ETV6: variants seen among roughly 807,000 people sequenced by gnomAD.
ETV6 encodes transcription factor ETV6.
In ETV6, 16 loss-of-function variants were observed where a neutral mutation model predicts 51.1. The observed-to-expected ratio is 0.31, with a 90% CI of 0.21 to 0.48. ETV6 has a LOEUF of 0.48. ETV6 is among the 20% of genes least tolerant of loss of function. The pLI is 0.99. For synonymous variants in ETV6, 240 were observed against 224.1 expected (o/e 1.07, Z -0.64); for missense variants, 458 against 594.8 (o/e 0.77, Z 2.39).
At chr12:11,850,555 G>C (rs1302369892) in intron 3 of ETV6, among the ~76,000 whole-genome samples, 2 of 125,770 alleles carry the variant, frequency 1.6e-5, no homozygotes, top group African/African-American at 5.1e-5. Flanking sequence ...TTGTGGTGGT[G>C]GTGGTAGTGG....
At chr12:11,764,035 T>G (rs1165399110) in intron 2 of ETV6, among the ~76,000 whole-genome samples, 2 of 152,200 alleles carry the variant, frequency 1.3e-5, no homozygotes, top group Non-Finnish European at 2.9e-5. Context: ...TGCCTGAAAT[T>G]CCATTGTTGA....
intron 1 of ETV6, among the ~76,000 whole-genome samples, chr12:11,708,163 T>G (rs1865107654): frequency 6.6e-6 from 1 of 152,060 alleles, no homozygotes; most frequent in Admixed American, 6.5e-5. Context: ...CATCCAGCCT[T>G]GATCTCTTTA....
chr12:11,803,914 T>G (rs1381274225), intron 2 of ETV6, among the ~76,000 whole-genome samples: 1 of 151,030 alleles, frequency 6.6e-6, no homozygotes, highest in Non-Finnish European at 1.5e-5. Flanking sequence ...AAAAATATTA[T>G]TAGTATCATC....
chr12:11,773,346 T>G (rs1945271097), intron 2 of ETV6, among the ~76,000 whole-genome samples: 1 of 152,020 alleles, frequency 6.6e-6, no homozygotes, highest in South Asian at 2.1e-4. Flanking sequence ...ATTAAAAATC[T>G]TTCTGCTCAA....
chr12:11,843,441 C>T (rs983176769), intron 3 of ETV6, among the ~76,000 whole-genome samples: 1 of 152,208 alleles, frequency 6.6e-6, no homozygotes, highest in African/African-American at 2.4e-5. Context: ...CACGTCACTT[C>T]ACTTGGCCTT....
chr12:11,833,818 G>A (rs150786556), intron 2 of ETV6, among the ~76,000 whole-genome samples: 2 of 152,286 alleles, frequency 1.3e-5, no homozygotes, highest in African/African-American at 2.4e-5. Context: ...ATGGTGGGGT[G>A]TTAAGAGTTG....
Position 11,738,935 on chromosome 12 carries a change from C to G in ETV6, c.34-13515C>G, listed in dbSNP as rs546058894. On this transcript the variant is annotated intron_variant, in intron 1 of 7. Coordinates refer to ENST00000396373, the MANE Select transcript of ETV6 (RefSeq NM_001987.5). ...GTCTCCGAAGTGTTATGGCCAAGTT[C>G]AGGATTGACCCAGATGAGGAGAGGT... Among the ~76,000 whole-genome samples the G allele has an allele frequency of 3.9e-4, 60 of 152,266 alleles. No homozygotes were observed. The East Asian group carries it at 5.2e-3, about 13-fold the overall frequency.
At chr12:11,770,560 G>A (rs1201700725) in intron 2 of ETV6, among the ~76,000 whole-genome samples, 1 of 152,120 alleles carries the variant, frequency 6.6e-6, no homozygotes, top group Non-Finnish European at 1.5e-5. Context: ...TCAACCGGAT[G>A]CTAGACTTGT....
intron 1 of ETV6, among the ~76,000 whole-genome samples, chr12:11,720,101 T>C (rs1865354720): frequency 6.6e-6 from 1 of 152,130 alleles, no homozygotes; most frequent in African/African-American, 2.4e-5. Context: ...AAGCTGTGGG[T>C]TATTGGTATC....
chr12:11,859,910 G>C (rs1406502978), intron 4 of ETV6, among the ~76,000 whole-genome samples: 1 of 152,116 alleles, frequency 6.6e-6, no homozygotes, highest in Admixed American at 6.6e-5. Context: ...GATGACTTCT[G>C]GGACTCCAAA....
At chr12:11,773,213 T>A (rs7967294) in intron 2 of ETV6, among the ~76,000 whole-genome samples, 90,436 of 134,304 alleles carry the variant, frequency 0.67, 29,301 homozygotes, top group Admixed American at 0.79. Context: ...AAAAAAAAAA[T>A]GAAATCTTGA....
chr12:11,865,915 G>A (rs1382324683), intron 4 of ETV6, among the ~76,000 whole-genome samples: 1 of 151,756 alleles, frequency 6.6e-6, no homozygotes. Flanking sequence ...TGTTGATAAT[G>A]TTGTTACCAA....
At chr12:11,767,523 A>G (rs1490588829) in intron 2 of ETV6, among the ~76,000 whole-genome samples, 1 of 152,236 alleles carries the variant, frequency 6.6e-6, no homozygotes, top group Non-Finnish European at 1.5e-5. Context: ...GTATAGCAGA[A>G]AGAATATTGG....
rs1348032826 is a variant in ETV6 at position 11,839,128 on chromosome 12, T to C, written c.164-12T>C. On this transcript the variant is annotated splice_polypyrimidine_tract_variant and intron_variant, in intron 2 of 7. Transcript: ENST00000396373. ...TTCTCTCTTTCTTTCTGCCTCATGC[T>C]CTCTCCAACAGGCTTGCAGCCAATT... 1.2e-6 allele frequency: 2 copies of C among 1,611,108 alleles called. No individual in the cohort carries two copies. The highest frequency in any genetic ancestry group is 2.2e-5 in the South Asian group (2 of 90,888).
intron 5 of ETV6, among the ~76,000 whole-genome samples, chr12:11,879,537 G>A (rs1947054197): frequency 6.6e-6 from 1 of 152,190 alleles, no homozygotes; most frequent in South Asian, 2.1e-4. Context: ...CACAGGAAGG[G>A]ATTTTTTACA....
At chr12:11,750,629 C>T (rs188819763) in intron 1 of ETV6, among the ~76,000 whole-genome samples, 212 of 152,138 alleles carry the variant, frequency 1.4e-3, no homozygotes, top group African/African-American at 4.8e-3. Context: ...ATAAAGTTAA[C>T]GGTAGATATC....
chr12:11,820,273 C>T (rs1292679389), intron 2 of ETV6, among the ~76,000 whole-genome samples: 4 of 152,238 alleles, frequency 2.6e-5, no homozygotes, highest in South Asian at 2.1e-4. Context: ...CATCATGTGC[C>T]GTAGCTTCTC....
intron 1 of ETV6, among the ~76,000 whole-genome samples, chr12:11,682,143 G>T (rs182598446): frequency 6.6e-6 from 1 of 151,944 alleles, no homozygotes; most frequent in African/African-American, 2.4e-5. Context: ...AGGAATCGCC[G>T]CACTGTCCAC....
chr12:11,860,703 G>C (rs1177242295), intron 4 of ETV6, among the ~76,000 whole-genome samples: 5 of 151,786 alleles, frequency 3.3e-5, no homozygotes, highest in Admixed American at 3.3e-4. Context: ...CCCCCCCTCT[G>C]TTTGTGTAAA....
Sources: gnomAD v4.1 joint callset for allele counts (sites outside exome capture counted in the v4.1 genomes callset) on GRCh38, gnomAD v4.1.1 for gene constraint, MANE v1.5 for transcripts, NCBI Gene and HGNC (gene_info 2026-07-23, HGNC 2026-07-21) for gene names.